MAP4K3: variants seen among roughly 807,000 people sequenced by gnomAD.
MAP4K3 encodes the protein MAPK/ERK kinase kinase kinase 3.
A neutral mutation model predicts 143.5 loss-of-function variants in MAP4K3; 94 were observed. That is an observed-to-expected ratio of 0.65 (90% CI 0.55 to 0.78). The LOEUF is 0.78. Among genes scored for constraint, MAP4K3 ranks in the 30% least tolerant of loss-of-function variants. The pLI, the probability that MAP4K3 is intolerant of heterozygous loss-of-function variation, is 0.00. For synonymous variants in MAP4K3, 416 were observed against 347.2 expected (o/e 1.20, Z -2.20); for missense variants, 1,077 against 1,068.1 (o/e 1.01, Z -0.12).
intron 1 of MAP4K3, among the ~76,000 whole-genome samples, chr2:39,408,112 T>C (rs1346200668): frequency 6.6e-6 from 1 of 152,152 alleles, no homozygotes; most frequent in Non-Finnish European, 1.5e-5. Context: ...GTCTTTTGGT[T>C]GTACAAAACA....
intron 3 of MAP4K3, among the ~76,000 whole-genome samples, chr2:39,353,104 G>T (rs1278993921): frequency 6.6e-6 from 1 of 152,196 alleles, no homozygotes. Context: ...CTAGCTACTT[G>T]TAAAGCCAGG....
intron 6 of MAP4K3, among the ~76,000 whole-genome samples, chr2:39,336,584 A>C (rs1664974894): frequency 6.6e-6 from 1 of 152,000 alleles, no homozygotes; most frequent in Admixed American, 6.6e-5. Context: ...AAGCTCACTG[A>C]AATAGTCAAA....
In MAP4K3 at chr2:39,280,350, C is replaced by T; in HGVS notation, c.1636G>A (p.Ala546Thr). ...LPPTPKVHMG[A>T]CFSKVFNGCP... ...CCATTAAAAACTTTTGAAAAACATG[C>T]ACCCATCTAGGGAAACAAAGAATAA... is the stretch of plus-strand genomic sequence containing the variant. The change falls in exon 23 of 34, where the codon GCA (alanine) becomes ACA (threonine). Residue 546 changes from alanine to threonine, a missense_variant. Ala to Thr is a moderately conservative substitution (Grantham distance 58). Transcript: ENST00000263881. 6.3e-7 allele frequency: 1 copy of T among 1,598,632 alleles called. No individual in the cohort carries two copies.
At chr2:39,268,632 C>CTCTTTTTTT (rs1389888924) in intron 26 of MAP4K3, among the ~76,000 whole-genome samples, 2 of 45,736 alleles carry the variant, frequency 4.4e-5, no homozygotes, top group African/African-American at 5.6e-5. Flanking sequence ...AAGATTTTTT[C>CTCTTTTTTT]TATTTTTTTT....
chr2:39,271,029 G>A (rs1680996946), intron 26 of MAP4K3, among the ~76,000 whole-genome samples: 1 of 151,498 alleles, frequency 6.6e-6, no homozygotes, highest in African/African-American at 2.4e-5. Context: ...AATACCCTTA[G>A]AGCTGAACAC....
chr2:39,253,945 A>C (rs1364476142), intron 32 of MAP4K3, among the ~76,000 whole-genome samples: 1 of 152,230 alleles, frequency 6.6e-6, no homozygotes, highest in Non-Finnish European at 1.5e-5. Flanking sequence ...GCTAAAGGTT[A>C]ATAAAAAGGA....
At chr2:39,383,187 G>A (rs190443508) in intron 1 of MAP4K3, among the ~76,000 whole-genome samples, 11 of 152,258 alleles carry the variant, frequency 7.2e-5, no homozygotes, top group African/African-American at 2.2e-4. Context: ...CCTGCGACTC[G>A]GTAATTTATA....
At chr2:39,363,488 C>G (rs945964322) in intron 2 of MAP4K3, among the ~76,000 whole-genome samples, 1 of 151,924 alleles carries the variant, frequency 6.6e-6, no homozygotes, top group East Asian at 1.9e-4. Context: ...GCCAACATGG[C>G]AAAGCCCAGA....
At chr2:39,436,728 T>C (rs1200405423) in intron 1 of MAP4K3, 164 bp downstream of exon 1, 2 of 619,316 alleles carry the variant, frequency 3.2e-6, no homozygotes, top group Non-Finnish European at 5.7e-6. Flanking sequence ...CATTCGGCCC[T>C]TTGTTCACCA....
At chr2:39,361,593 T>C (rs897223519) in intron 2 of MAP4K3, among the ~76,000 whole-genome samples, 1 of 151,894 alleles carries the variant, frequency 6.6e-6, no homozygotes, top group South Asian at 2.1e-4. Flanking sequence ...ATATGTCAAA[T>C]TAAATTGTGT....
rs562689776 is a variant in MAP4K3 at position 39,395,378 on chromosome 2, T to C, written c.97-17255A>G. On this transcript the variant is annotated intron_variant, in intron 1 of 33. Coordinates refer to ENST00000263881, the MANE Select transcript of MAP4K3 (RefSeq NM_003618.4). ...ACACACATTTTTAAAATAATGGTTT[T>C]ATTCAGGCTACACAGCAAGTATTAA... Among the ~76,000 whole-genome samples the C allele has an allele frequency of 7.4e-4, 112 of 152,186 alleles. 1 individual carries two copies. Among genetic ancestry groups the C allele is most frequent in the Middle Eastern group, 6.8e-3 (2 of 294 alleles).
In MAP4K3 at chr2:39,325,730, C is replaced by T. The variant is rs1457667114; in HGVS notation, c.807G>A (p.Gln269=). 4 of 1,601,780 alleles carry T rather than the reference C, an allele frequency of 2.5e-6. No homozygotes were observed. Among genetic ancestry groups the T allele is most frequent in the Non-Finnish European group, 3.4e-6 (4 of 1,173,058 alleles). ...KKRPTAEKLL[Q]HPFVTQHLTR... ...ATATATTTCAGGGCAAAAATAATACCTGTAATAATTTTTCAGCAGTAGGTC... is the reference window on the plus strand; with the variant it reads ...ATATATTTCAGGGCAAAAATAATACTTGTAATAATTTTTCAGCAGTAGGTC... Residue 269 remains glutamine (Q), a splice_region_variant and synonymous_variant, in exon 11 of 34, where the codon CAG becomes CAA. Transcript: ENST00000263881.
intron 2 of MAP4K3, among the ~76,000 whole-genome samples, chr2:39,368,552 A>C (rs1303879294): frequency 3.3e-5 from 5 of 151,994 alleles, no homozygotes; most frequent in Admixed American, 6.6e-5. Context: ...ACCTGTTAAT[A>C]CCAACCAGTA....
intron 2 of MAP4K3, among the ~76,000 whole-genome samples, chr2:39,365,206 C>T (rs1665886706): frequency 6.6e-6 from 1 of 152,090 alleles, no homozygotes. Context: ...TATAAAAAGT[C>T]TGTTCACTAG....
intron 28 of MAP4K3, 22 bp from the exon 29 acceptor site, chr2:39,260,799 C>T (rs1444069173): frequency 4.5e-6 from 7 of 1,540,874 alleles, no homozygotes; most frequent in African/African-American, 1.4e-5. Context: ...AACAAAAATA[C>T]ATTAAACCAA....
intron 6 of MAP4K3, among the ~76,000 whole-genome samples, chr2:39,333,961 T>TTGTG (rs60361690): frequency 0.45 from 64,548 of 143,830 alleles, 16,696 homozygotes; most frequent in Non-Finnish European, 0.58. Flanking sequence ...TTTCCCATTT[T>TTGTG]TGTGTGTGTG....
chr2:39,301,555 T>C (rs1048432084), intron 15 of MAP4K3, among the ~76,000 whole-genome samples: 1 of 152,186 alleles, frequency 6.6e-6, no homozygotes, highest in African/African-American at 2.4e-5. Context: ...AAGCCTTTAA[T>C]CAAATGACAG....
chr2:39,287,969 T>C (rs1034589163), intron 20 of MAP4K3, 152 bp downstream of exon 20: 42 of 849,572 alleles, frequency 4.9e-5, no homozygotes, highest in Non-Finnish European at 7.1e-5. Context: ...CACTTTAAGC[T>C]AGTAGGCAAA....
chr2:39,345,695 G>A (rs1286404120), intron 3 of MAP4K3, among the ~76,000 whole-genome samples: 8 of 151,886 alleles, frequency 5.3e-5, no homozygotes, highest in Non-Finnish European at 1.0e-4. Context: ...CGAGGCGGGC[G>A]GATCACGAGG....
Sources: allele counts gnomAD v4.1 joint callset (sites outside exome capture counted in the v4.1 genomes callset), GRCh38; gene constraint gnomAD v4.1.1; transcripts MANE v1.5; gene names NCBI Gene and HGNC (gene_info 2026-07-23, HGNC 2026-07-21).